The following EPM2A variants were observed in gnomAD, a reference collection of about 807,000 sequenced individuals.
EPM2A encodes the protein EPM2A glucan phosphatase, laforin, also known as laforin.
A neutral mutation model predicts 26.5 loss-of-function variants in EPM2A; 21 were observed. That is an observed-to-expected ratio of 0.79 (90% CI 0.56 to 1.14). The LOEUF (loss-of-function observed/expected upper bound fraction) is 1.14, where lower values mean the gene tolerates loss of function less well. Ranked by LOEUF, EPM2A falls within the 50% of genes most tolerant of loss-of-function variation. The pLI is 0.00. For synonymous variants in EPM2A, 217 were observed against 177.6 expected (o/e 1.22, Z -1.76); for missense variants, 458 against 440.8 (o/e 1.04, Z -0.35).
chr6:145,620,407 C>G (rs1775608198), downstream of EPM2A, among the ~76,000 whole-genome samples: 1 of 152,172 alleles, frequency 6.6e-6, no homozygotes, highest in African/African-American at 2.4e-5. Context: ...GGCCCGGTTC[C>G]TAACAGGCCA....
In EPM2A at chr6:145,445,084, C is replaced by A. The variant is rs918165932; in HGVS notation, c.555+57438G>T. 1.8e-4 allele frequency among the ~76,000 whole-genome samples: 28 copies of A among 152,268 alleles called. 1 individual carries two copies. The highest frequency in any genetic ancestry group is 2.8e-4 in the Non-Finnish European group (19 of 68,028). On this transcript the variant is annotated intron_variant, in intron 4 of 4. Coordinates refer to the EPM2A transcript ENST00000638717. ...GTATATTAGGTCACACCTCAACACTCACTCAGGCAATTTATAAGTCTGCCT... is the reference window on the plus strand; with the variant it reads ...GTATATTAGGTCACACCTCAACACTAACTCAGGCAATTTATAAGTCTGCCT...
At chr6:145,443,733 A>C (rs1287109996) in intron 4 of EPM2A, among the ~76,000 whole-genome samples, 1 of 152,158 alleles carries the variant, frequency 6.6e-6, no homozygotes, top group Non-Finnish European at 1.5e-5. Context: ...TGTAGCTCCC[A>C]TAACTCCCAT....
chr6:145,463,149 T>A (rs578009948), intron 4 of EPM2A: 1 of 152,274 alleles, frequency 6.6e-6, no homozygotes, highest in East Asian at 1.9e-4. Flanking sequence ...AGGCTGCAAT[T>A]CATTTCAGGT....
intron 4 of EPM2A, among the ~76,000 whole-genome samples, chr6:145,427,461 G>A (rs935490568): frequency 1.3e-5 from 2 of 152,134 alleles, no homozygotes; most frequent in Non-Finnish European, 2.9e-5. Context: ...GTGAGCCTGA[G>A]GGATGTGGTA....
At chr6:145,648,837 G>T (rs1003148414) in intron 2 of EPM2A, among the ~76,000 whole-genome samples, 3 of 151,904 alleles carry the variant, frequency 2.0e-5, no homozygotes, top group African/African-American at 7.2e-5. Context: ...AATTTTAAAA[G>T]TGAAAAAAAA....
intron 2 of EPM2A, among the ~76,000 whole-genome samples, chr6:145,543,175 A>T (rs893047776): frequency 2.6e-5 from 4 of 152,320 alleles, no homozygotes; most frequent in Non-Finnish European, 4.4e-5. Context: ...ATATGGCCTT[A>T]AAAAAGATAT....
chr6:145,684,678 A>T (rs1780781769), intron 2 of EPM2A: 1 of 152,148 alleles, frequency 6.6e-6, no homozygotes, highest in East Asian at 1.9e-4. Context: ...TTCTGACATC[A>T]AATCAATTTC....
intron 2 of EPM2A, among the ~76,000 whole-genome samples, chr6:145,510,429 C>A (rs1295133210): frequency 1.3e-5 from 2 of 152,066 alleles, no homozygotes; most frequent in East Asian, 1.9e-4. Context: ...GAAATCAATA[C>A]CAGTAAGGAC....
intron 2 of EPM2A, among the ~76,000 whole-genome samples, chr6:145,540,483 A>G (rs949283786): frequency 6.6e-6 from 1 of 152,150 alleles, no homozygotes; most frequent in South Asian, 2.1e-4. Context: ...TCGCTAACCC[A>G]ATAACAACCT....
intron 4 of EPM2A, among the ~76,000 whole-genome samples, chr6:145,456,480 AAAG>A (rs1477983590): frequency 6.6e-6 from 1 of 152,212 alleles, no homozygotes; most frequent in Non-Finnish European, 1.5e-5. Flanking sequence ...AAAGAAGGAT[AAAG>A]AAGAACTTTC....
At chr6:145,573,422 T>C (rs948867290) in intron 2 of EPM2A, among the ~76,000 whole-genome samples, 9 of 152,222 alleles carry the variant, frequency 5.9e-5, no homozygotes, top group African/African-American at 2.2e-4. Context: ...TGAAACCACA[T>C]CTGCTACAGC....
chr6:145,622,472 C>A (rs775011759), downstream of EPM2A, among the ~76,000 whole-genome samples: 1 of 152,150 alleles, frequency 6.6e-6, no homozygotes, highest in Admixed American at 6.5e-5. Flanking sequence ...CAGAATGTGA[C>A]CTTATTCAGA....
At chr6:145,457,237 A>G (rs1007730089) in intron 4 of EPM2A, among the ~76,000 whole-genome samples, 3 of 152,104 alleles carry the variant, frequency 2.0e-5, no homozygotes, top group Non-Finnish European at 4.4e-5. Flanking sequence ...GCTCACACCT[A>G]TAATTTCGAC....
intron 4 of EPM2A, among the ~76,000 whole-genome samples, chr6:145,395,326 C>G (rs1443626415): frequency 6.6e-6 from 1 of 152,132 alleles, no homozygotes; most frequent in Non-Finnish European, 1.5e-5. Flanking sequence ...TCTGGGACAC[C>G]CAAATTATGA....
At chr6:145,471,749 T>G (rs1359667890) in intron 4 of EPM2A, among the ~76,000 whole-genome samples, 1 of 152,126 alleles carries the variant, frequency 6.6e-6, no homozygotes, top group Non-Finnish European at 1.5e-5. Context: ...CATTCCAAAC[T>G]TGAGTGCCCA....
chr6:145,458,687 C>T (rs1231405879), intron 4 of EPM2A, among the ~76,000 whole-genome samples: 1 of 152,060 alleles, frequency 6.6e-6, no homozygotes, highest in Non-Finnish European at 1.5e-5. Flanking sequence ...TTGACCTGTC[C>T]AACCTAGTCA....
chr6:145,474,932 T>A (rs905798128), intron 4 of EPM2A, among the ~76,000 whole-genome samples: 1 of 152,030 alleles, frequency 6.6e-6, no homozygotes, highest in Non-Finnish European at 1.5e-5. Flanking sequence ...CCATCTCACA[T>A]CAGTTAGAAT....
chr6:145,601,011 C>G (rs993192731), intron 2 of EPM2A, among the ~76,000 whole-genome samples: 1 of 152,240 alleles, frequency 6.6e-6, no homozygotes, highest in Non-Finnish European at 1.5e-5. Flanking sequence ...ATGGGATCTT[C>G]CAGACTTGCT....
intron 2 of EPM2A, among the ~76,000 whole-genome samples, chr6:145,588,017 T>C (rs892382213): frequency 6.6e-6 from 1 of 152,184 alleles, no homozygotes; most frequent in African/African-American, 2.4e-5. Flanking sequence ...TTATCTTTCA[T>C]TCTTTTGCAA....
Sources: allele counts gnomAD v4.1 joint callset (sites outside exome capture counted in the v4.1 genomes callset), GRCh38; gene constraint gnomAD v4.1.1; transcripts MANE v1.5; gene names NCBI Gene and HGNC (gene_info 2026-07-23, HGNC 2026-07-21).